Variants in CLINT1 observed in about 807,000 individuals in gnomAD.
CLINT1 encodes the protein clathrin interacting protein localized in the trans-Golgi region.
In CLINT1, 15 loss-of-function variants were observed where a neutral mutation model predicts 70.4. The ratio of observed to expected loss-of-function variants is 0.21; its 90% CI spans 0.14 to 0.33. The LOEUF is 0.33. CLINT1 is among the 10% of genes least tolerant of loss of function. CLINT1 has a pLI of 1.00. For synonymous variants in CLINT1, 227 were observed against 254.7 expected, an observed-to-expected ratio of 0.89 and a Z score of 1.04; for missense variants, 615 against 778.1, an observed-to-expected ratio of 0.79 and a Z score of 2.49.
chr5:157,813,762 C>A (rs1009520682), intron 4 of CLINT1, among the ~76,000 whole-genome samples: 1 of 152,146 alleles, frequency 6.6e-6, no homozygotes, highest in African/African-American at 2.4e-5. Context: ...CATTTTCTAG[C>A]CTCTTTCACA....
At position 157,859,125 on chromosome 5, in the gene CLINT1, G is replaced by T; in HGVS notation, c.-155C>A. On this transcript the variant is annotated 5_prime_UTR_variant, in exon 1 of 12. Transcript: ENST00000411809. Reference sequence around the variant, plus strand: ...CTTCCTTTGCCACAGCAGCGGCGCCGCCGGTGACACGTCGAGACGCGGCAG... The same window carrying T: ...CTTCCTTTGCCACAGCAGCGGCGCCTCCGGTGACACGTCGAGACGCGGCAG... 1.4e-6 allele frequency: 1 copy of T among 697,124 alleles called. No individual in the cohort carries two copies. The highest frequency in any genetic ancestry group is 3.3e-5 in the East Asian group (1 of 29,932). The allele number at this position is 697,124 out of a possible 1,614,324, so 43.2% of individuals were successfully genotyped here.
intron 3 of CLINT1, among the ~76,000 whole-genome samples, chr5:157,815,295 C>T (rs1468881698): frequency 6.6e-6 from 1 of 151,970 alleles, no homozygotes; most frequent in Non-Finnish European, 1.5e-5. Context: ...GCCAGACTGT[C>T]TTAAAAACAA....
At chr5:157,820,131 AC>A (rs112308819) in intron 1 of CLINT1, among the ~76,000 whole-genome samples, 1,838 of 152,320 alleles carry the variant, frequency 0.012, 36 homozygotes, top group African/African-American at 0.042. Flanking sequence ...GAACGCTTAC[AC>A]AAAGAAACCA....
chr5:157,832,516 C>T (rs1763280066), intron 1 of CLINT1, among the ~76,000 whole-genome samples: 1 of 152,198 alleles, frequency 6.6e-6, no homozygotes, highest in Non-Finnish European at 1.5e-5. Flanking sequence ...TAGTTCTGCA[C>T]TTAAGAATAC....
intron 5 of CLINT1, among the ~76,000 whole-genome samples, chr5:157,811,788 T>G (rs1762569084): frequency 6.6e-6 from 1 of 152,124 alleles, no homozygotes; most frequent in Non-Finnish European, 1.5e-5. Context: ...GCAAGAATAG[T>G]GTGGAAATAA....
intron 1 of CLINT1, among the ~76,000 whole-genome samples, chr5:157,846,309 G>C (rs1212899558): frequency 6.6e-6 from 1 of 152,236 alleles, no homozygotes; most frequent in Non-Finnish European, 1.5e-5. Context: ...ACACAACAAT[G>C]ATAAGTGAAA....
Position 157,787,776 on chromosome 5 carries a change from A to G in CLINT1, c.1748T>C (p.Ile583Thr), listed in dbSNP as rs1446893854. The change falls in exon 12 of 12, where the codon ATA becomes ACA. Residue 583 changes from isoleucine (I) to threonine (T), a missense_variant. Physicochemically the swap from Ile to Thr is moderately conservative, Grantham distance 89 (BLOSUM62 -1). Around this residue, in one of 2 missense-constraint regions of CLINT1, gnomAD observed 374 missense variants for 409.6 expected, o/e 0.91. Coordinates refer to ENST00000411809, the MANE Select transcript of CLINT1 (RefSeq NM_014666.4). ...NQSMMGMNMN[I>T]GMSAAGMGLT... ...GCCCATCCCAGCAGCGGACATCCCT[A>G]TGTTCATGTTCATGCCCATCATGCT... The G allele has an allele frequency of 6.2e-7, 1 of 1,613,858 alleles. No individual in the cohort carries two copies. The highest frequency in any genetic ancestry group is 2.2e-5 in the East Asian group (1 of 44,868).
At chr5:157,823,136 CTAAA>C (rs1762927857) in intron 1 of CLINT1, among the ~76,000 whole-genome samples, 1 of 152,156 alleles carries the variant, frequency 6.6e-6, no homozygotes, top group African/African-American at 2.4e-5. Flanking sequence ...TTTGAGACCT[CTAAA>C]TGTGTTCTGA....
intron 10 of CLINT1, chr5:157,790,440 A>C (rs1185827713): frequency 9.4e-6 from 3 of 319,516 alleles, no homozygotes; most frequent in Non-Finnish European, 1.2e-5. Flanking sequence ...ATTGAGGATA[A>C]CTGAAAAGGA....
At chr5:157,796,908 C>A (rs1214692647) in intron 8 of CLINT1, among the ~76,000 whole-genome samples, 1 of 151,122 alleles carries the variant, frequency 6.6e-6, no homozygotes, top group Non-Finnish European at 1.5e-5. Context: ...ATATATATAT[C>A]TCCTCACTCA....
At chr5:157,801,436 G>A (rs1055531538) in intron 8 of CLINT1, among the ~76,000 whole-genome samples, 3 of 152,088 alleles carry the variant, frequency 2.0e-5, no homozygotes, top group African/African-American at 7.2e-5. Flanking sequence ...GAACCCGGGA[G>A]GCAGAGGTTG....
chr5:157,827,454 A>C (rs1763075125), intron 1 of CLINT1, among the ~76,000 whole-genome samples: 1 of 152,196 alleles, frequency 6.6e-6, no homozygotes, highest in Non-Finnish European at 1.5e-5. Flanking sequence ...TCCAAAACAA[A>C]AAAAATATTT....
intron 8 of CLINT1, among the ~76,000 whole-genome samples, chr5:157,802,224 C>T (rs1762246600): frequency 6.6e-6 from 1 of 152,038 alleles, no homozygotes; most frequent in South Asian, 2.1e-4. Flanking sequence ...TCATTACACA[C>T]AACTGGGAAT....
At chr5:157,825,286 T>TAG (rs1763001612) in intron 1 of CLINT1, among the ~76,000 whole-genome samples, 2 of 152,142 alleles carry the variant, frequency 1.3e-5, no homozygotes, top group Admixed American at 6.5e-5. Context: ...ATCTTCTGTT[T>TAG]TCCTCTTTAC....
chr5:157,823,156 G>A (rs532509164), intron 1 of CLINT1, among the ~76,000 whole-genome samples: 3 of 152,064 alleles, frequency 2.0e-5, no homozygotes, highest in Non-Finnish European at 4.4e-5. Flanking sequence ...TCTGACGTAC[G>A]CATGCATACA....
intron 2 of CLINT1, among the ~76,000 whole-genome samples, chr5:157,817,053 ATAAT>A (rs1226094315): frequency 9.2e-5 from 14 of 152,310 alleles, no homozygotes; most frequent in East Asian, 1.9e-4. Context: ...TTTGCAATTA[ATAAT>A]TAATTAAATT....
At chr5:157,804,782 C>T (rs183092565) in intron 7 of CLINT1, among the ~76,000 whole-genome samples, 2 of 152,098 alleles carry the variant, frequency 1.3e-5, no homozygotes, top group East Asian at 3.9e-4. Flanking sequence ...AAAAAATTAG[C>T]CGGGCATGGT....
rs1381631720 is a variant in CLINT1 at position 157,840,073 on chromosome 5, T to C, written c.41+18857A>G. Among the ~76,000 whole-genome samples the C allele has an allele frequency of 5.3e-5, 8 of 151,354 alleles. No individual in the cohort carries two copies. The South Asian group carries it at 1.7e-3, about 32-fold the overall frequency. On this transcript the variant is annotated intron_variant, in intron 1 of 11. Transcript: ENST00000411809. ...AAATTAGCTGGGCATGATGGGCCTA[T>C]AGTCCCAGCTACTCAGGAGGTTAAG...
chr5:157,822,993 C>T (rs1406734077), intron 1 of CLINT1, among the ~76,000 whole-genome samples: 2 of 151,890 alleles, frequency 1.3e-5, no homozygotes, highest in African/African-American at 4.8e-5. Flanking sequence ...AGTATTTTTC[C>T]CAGTTTGCCT....
Sources: allele counts gnomAD v4.1 joint callset (sites outside exome capture counted in the v4.1 genomes callset), GRCh38; gene constraint gnomAD v4.1.1; regional missense constraint gnomAD v4.1.1; transcripts MANE v1.5; gene names NCBI Gene and HGNC (gene_info 2026-07-23, HGNC 2026-07-21).